DCC: variants seen among roughly 807,000 people sequenced by gnomAD.
DCC encodes the protein DCC netrin 1 receptor.
A neutral mutation model predicts 172.5 loss-of-function variants in DCC; 58 were observed. That is an observed-to-expected ratio of 0.34 (90% CI 0.27 to 0.42). The LOEUF is 0.42. Among genes scored for constraint, DCC ranks in the 10% least tolerant of loss-of-function variants. DCC has a pLI of 1.00. For missense variants in DCC, 1,740 were observed against 1,791.0 expected, an observed-to-expected ratio of 0.97 and a Z score of 0.51; for synonymous variants, 709 against 644.5, an observed-to-expected ratio of 1.10 and a Z score of -1.52.
chr18:53,231,946 G>A (rs145412148), intron 12 of DCC, among the ~76,000 whole-genome samples: 11 of 152,098 alleles, frequency 7.2e-5, no homozygotes, highest in South Asian at 4.2e-4. Flanking sequence ...GTCCTTTTAC[G>A]TCATCTTCAA....
chr18:52,546,836 AT>A (rs914343220), intron 1 of DCC, among the ~76,000 whole-genome samples: 10 of 152,104 alleles, frequency 6.6e-5, no homozygotes, highest in South Asian at 2.1e-4. Context: ...TATAAAGCAG[AT>A]GGGAACTGCA....
intron 1 of DCC, among the ~76,000 whole-genome samples, chr18:52,579,097 A>G (rs1753777991): frequency 6.6e-6 from 1 of 152,244 alleles, no homozygotes; most frequent in Admixed American, 6.5e-5. Context: ...AAATTCACAT[A>G]TTTAAGGCCA....
chr18:53,516,917 A>G (rs1321815252), intron 27 of DCC, among the ~76,000 whole-genome samples: 3 of 144,552 alleles, frequency 2.1e-5, no homozygotes, highest in Non-Finnish European at 4.4e-5. Context: ...AGAACTGGAA[A>G]TACCATTTGA....
chr18:52,794,912 G>A (rs2037843705), intron 2 of DCC, among the ~76,000 whole-genome samples: 2 of 151,834 alleles, frequency 1.3e-5, no homozygotes, highest in African/African-American at 4.8e-5. Flanking sequence ...CTCTTCTATT[G>A]ATGTGGTGTA....
At chr18:53,177,567 G>C (rs1463087799) in intron 8 of DCC, among the ~76,000 whole-genome samples, 1 of 152,124 alleles carries the variant, frequency 6.6e-6, no homozygotes, top group Non-Finnish European at 1.5e-5. Flanking sequence ...CTCTTCTCTA[G>C]AATTATTACA....
intron 1 of DCC, among the ~76,000 whole-genome samples, chr18:52,663,324 C>T (rs2035399189): frequency 1.3e-5 from 2 of 152,114 alleles, no homozygotes; most frequent in Non-Finnish European, 2.9e-5. Flanking sequence ...AAAGCAGATC[C>T]TCTTCAGGAA....
chr18:53,352,939 A>G (rs1318123990), intron 15 of DCC, among the ~76,000 whole-genome samples: 1 of 152,146 alleles, frequency 6.6e-6, no homozygotes, highest in Non-Finnish European at 1.5e-5. Context: ...TTTAAAATTT[A>G]TATTATATAT....
rs1052070144 is a variant in DCC at position 53,136,209 on chromosome 18, C to CTATCTATCTATCTATA, written c.1262-21144_1262-21143insCTATCTATCTATATAT. Reference sequence around the variant, plus strand: ...CATGTGATTTTATCTATCTATCTATCTATATATATATACACACACACACAC... The same window carrying CTATCTATCTATCTATA: ...CATGTGATTTTATCTATCTATCTATCTATCTATCTATCTATATATATATATATACACACACACACAC... On this transcript the variant is annotated intron_variant, in intron 7 of 28. Coordinates refer to ENST00000442544, the MANE Select transcript of DCC (RefSeq NM_005215.4). 1.0e-3 allele frequency among the ~76,000 whole-genome samples: 146 copies of CTATCTATCTATCTATA among 144,400 alleles called. No individual in the cohort carries two copies. In the Middle Eastern group the frequency reaches 0.01, roughly 10 times the overall value. The allele number at this position is 144,400 out of a possible 152,430, so 94.7% of individuals were successfully genotyped here. A position where few individuals can be genotyped will look rare whatever the true frequency, so the allele number is the denominator to read the frequency against.
chr18:53,081,414 A>T (rs1309374659), intron 7 of DCC, among the ~76,000 whole-genome samples: 1 of 152,058 alleles, frequency 6.6e-6, no homozygotes, highest in Non-Finnish European at 1.5e-5. Context: ...GAAATCCACA[A>T]ATCAAAAACC....
chr18:52,700,634 T>C (rs1044469117), intron 1 of DCC, among the ~76,000 whole-genome samples: 6 of 152,244 alleles, frequency 3.9e-5, no homozygotes, highest in Non-Finnish European at 7.3e-5. Flanking sequence ...TGAGCAAGAA[T>C]ATAAGCTTGC....
At chr18:52,914,879 G>T (rs1347225729) in intron 3 of DCC, among the ~76,000 whole-genome samples, 1 of 152,038 alleles carries the variant, frequency 6.6e-6, no homozygotes, top group East Asian at 1.9e-4. Context: ...TGCCTGGGAA[G>T]AAATCAAAGA....
At chr18:53,260,573 C>T (rs945828681) in intron 12 of DCC, among the ~76,000 whole-genome samples, 11 of 152,170 alleles carry the variant, frequency 7.2e-5, no homozygotes, top group South Asian at 2.1e-4. Context: ...AGTTTTGTCT[C>T]GGAGGAGTAC....
chr18:53,504,430 T>C (rs2046143806), intron 27 of DCC, among the ~76,000 whole-genome samples: 1 of 152,216 alleles, frequency 6.6e-6, no homozygotes, highest in African/African-American at 2.4e-5. Context: ...TGATTTGCTG[T>C]TATTGAAGCC....
chr18:53,242,632 A>T (rs981202531), intron 12 of DCC, among the ~76,000 whole-genome samples: 4 of 152,024 alleles, frequency 2.6e-5, no homozygotes, highest in Non-Finnish European at 5.9e-5. Flanking sequence ...TAAGAACCAA[A>T]TAAATGCAAG....
At position 53,372,339 on chromosome 18, in the gene DCC, C is replaced by G. The variant is rs374537662; in HGVS notation, c.2360-13704C>G. ...CATGGATGGAACTGGAAGCCATTAT[C>G]CTAAGCCACTAACAGGAATAGAAAA... is the stretch of plus-strand genomic sequence containing the variant. On this transcript the variant is annotated intron_variant, in intron 15 of 28. Transcript: ENST00000442544. Among the ~76,000 whole-genome samples, 69 of 152,120 alleles carry G rather than the reference C, an allele frequency of 4.5e-4. No individual in the cohort carries two copies. The East Asian group carries it at 0.012, about 26-fold the overall frequency.
At chr18:53,238,450 T>C (rs1454907283) in intron 12 of DCC, among the ~76,000 whole-genome samples, 1 of 152,190 alleles carries the variant, frequency 6.6e-6, no homozygotes, top group East Asian at 1.9e-4. Flanking sequence ...AGAATTGAAA[T>C]ATTTCCATTT....
At position 52,943,255 on chromosome 18, in the gene DCC, G is replaced by A. The variant is rs1256626721; in HGVS notation, c.985+17885G>A. Among the ~76,000 whole-genome samples the A allele has an allele frequency of 5.3e-5, 8 of 152,282 alleles. No homozygotes were observed. The East Asian group carries it at 1.5e-3, about 29-fold the overall frequency. On this transcript the variant is annotated intron_variant, in intron 5 of 28. Transcript: ENST00000442544. ...AATTTAGAATGCCATTATTTCTGCT[G>A]CCTCTTTCTCCTTTGGATTTCATTA...
chr18:53,159,314 C>T (rs781503977), intron 8 of DCC, among the ~76,000 whole-genome samples: 4 of 152,122 alleles, frequency 2.6e-5, no homozygotes, highest in Non-Finnish European at 2.9e-5. Flanking sequence ...CTTCCATCCC[C>T]GTTGACCAAG....
intron 1 of DCC, among the ~76,000 whole-genome samples, chr18:52,451,233 G>T (rs1192987196): frequency 2.0e-5 from 3 of 152,042 alleles, no homozygotes; most frequent in Non-Finnish European, 4.4e-5. Flanking sequence ...GTGACCTAGG[G>T]TATATGAGCC....
Sources: gnomAD v4.1 joint callset for allele counts (sites outside exome capture counted in the v4.1 genomes callset) on GRCh38, gnomAD v4.1.1 for gene constraint, MANE v1.5 for transcripts, NCBI Gene and HGNC (gene_info 2026-07-23, HGNC 2026-07-21) for gene names.